ARHGAP32: variants seen among roughly 807,000 people sequenced by gnomAD.
ARHGAP32 encodes the protein Rho GTPase activating protein 32.
A neutral mutation model predicts 186.5 loss-of-function variants in ARHGAP32; 51 were observed. The observed-to-expected ratio is 0.27, with a 90% CI of 0.22 to 0.35. ARHGAP32 has a LOEUF of 0.35. Among genes scored for constraint, ARHGAP32 ranks in the 10% least tolerant of loss-of-function variants. The probability of loss-of-function intolerance (pLI) is 1.00; values close to 1 mark genes in which losing one functional copy is unlikely to be tolerated. For synonymous variants in ARHGAP32, 950 were observed against 964.3 expected (o/e 0.99, Z 0.27); for missense variants, 2,186 against 2,623.5 (o/e 0.83, Z 3.64).
intron 1 of ARHGAP32, among the ~76,000 whole-genome samples, chr11:129,174,691 T>A (rs1943867137): frequency 6.6e-6 from 1 of 152,080 alleles, no homozygotes; most frequent in Non-Finnish European, 1.5e-5. Context: ...GTCTGACACC[T>A]CACATGGCCG....
At chr11:129,032,184 T>C (rs1939142400) in intron 11 of ARHGAP32, among the ~76,000 whole-genome samples, 2 of 152,222 alleles carry the variant, frequency 1.3e-5, no homozygotes, top group Non-Finnish European at 1.5e-5. Flanking sequence ...CACCCATGGA[T>C]GGCAACGGTA....
chr11:128,994,434 C>T (rs1030023523), intron 12 of ARHGAP32, among the ~76,000 whole-genome samples: 2 of 152,058 alleles, frequency 1.3e-5, no homozygotes, highest in Non-Finnish European at 2.9e-5. Context: ...GGATTACAGG[C>T]ATGAGCCACC....
chr11:129,251,993 T>C (rs748649447), intron 1 of ARHGAP32, among the ~76,000 whole-genome samples: 17 of 151,744 alleles, frequency 1.1e-4, no homozygotes, highest in Non-Finnish European at 2.4e-4. Context: ...TGCTTCAGCC[T>C]TGTATTGTCA....
At chr11:129,157,355 C>T (rs937338668) in intron 2 of ARHGAP32, among the ~76,000 whole-genome samples, 4 of 151,970 alleles carry the variant, frequency 2.6e-5, no homozygotes, top group Non-Finnish European at 2.9e-5. Context: ...GAATTGCTAA[C>T]TAGAATAACC....
At chr11:129,204,831 T>C (rs1211940507) in intron 1 of ARHGAP32, among the ~76,000 whole-genome samples, 1 of 152,180 alleles carries the variant, frequency 6.6e-6, no homozygotes, top group Non-Finnish European at 1.5e-5. Context: ...AAACTTTAAT[T>C]TGGGGTATCT....
intron 11 of ARHGAP32, among the ~76,000 whole-genome samples, chr11:129,012,281 A>G (rs1178459632): frequency 6.6e-6 from 1 of 152,206 alleles, no homozygotes; most frequent in African/African-American, 2.4e-5. Flanking sequence ...TGTGAGAGAA[A>G]ATGAGATACA....
intron 2 of ARHGAP32, among the ~76,000 whole-genome samples, chr11:129,149,270 C>T (rs3911250): frequency 6.6e-6 from 1 of 152,056 alleles, no homozygotes; most frequent in Admixed American, 6.5e-5. Flanking sequence ...CCCACAACAT[C>T]CTGGCTAACC....
At chr11:128,982,118 C>G (rs1397519798) in intron 15 of ARHGAP32, among the ~76,000 whole-genome samples, 182 bp from the exon 16 acceptor site, 2 of 152,160 alleles carry the variant, frequency 1.3e-5, no homozygotes, top group Admixed American at 1.3e-4. Flanking sequence ...GTGAATCTTC[C>G]ACCAAAGCTA....
intron 19 of ARHGAP32, 48 bp from the exon 20 acceptor site, chr11:128,976,682 A>C: frequency 6.8e-7 from 1 of 1,472,402 alleles, no homozygotes; most frequent in Non-Finnish European, 9.5e-7. Context: ...TTTGTTACAT[A>C]TGTGGTTAAT....
At chr11:129,135,929 C>T (rs1274670048) in intron 2 of ARHGAP32, among the ~76,000 whole-genome samples, 5 of 152,068 alleles carry the variant, frequency 3.3e-5, no homozygotes, top group African/African-American at 7.2e-5. Context: ...AGGACACACA[C>T]GGAAAAAACA....
intron 11 of ARHGAP32, among the ~76,000 whole-genome samples, chr11:129,006,596 T>C (rs771935932): frequency 5.3e-5 from 8 of 152,190 alleles, no homozygotes; most frequent in African/African-American, 9.7e-5. Context: ...TCTCTCTCTG[T>C]CTCTGTGATA....
chr11:129,136,652 T>C (rs960425260), intron 2 of ARHGAP32, among the ~76,000 whole-genome samples: 1 of 152,106 alleles, frequency 6.6e-6, no homozygotes, highest in South Asian at 2.1e-4. Flanking sequence ...ACATACATCA[T>C]AAGTGAATTA....
At chr11:129,052,908 G>A (rs1164725694) in intron 10 of ARHGAP32, among the ~76,000 whole-genome samples, 2 of 151,894 alleles carry the variant, frequency 1.3e-5, no homozygotes, top group African/African-American at 2.4e-5. Flanking sequence ...TGACAAAAAA[G>A]GATTTTAGAA....
intron 22 of ARHGAP32, chr11:128,971,427 TAATTTTAATATACAAACC>T: frequency 2.5e-6 from 1 of 401,678 alleles, no homozygotes; most frequent in East Asian, 4.1e-5. Flanking sequence ...GCCTATGGCA[TAATTTTAATATACAAACC>T]AAAAGAGAGG....
At chr11:129,151,920 TA>T (rs921200350) in intron 2 of ARHGAP32, among the ~76,000 whole-genome samples, 3 of 151,844 alleles carry the variant, frequency 2.0e-5, no homozygotes, top group Admixed American at 6.6e-5. Context: ...ACACAAAAGA[TA>T]AATGAAGCCA....
Position 129,011,131 on chromosome 11 carries a change from C to T in ARHGAP32, c.1046-12663G>A, listed in dbSNP as rs181307656. ...GACAATGAATGATTAAATAGTAATACGGATATAGCCAGCATTTACTTTACA... is the reference window on the plus strand; with the variant it reads ...GACAATGAATGATTAAATAGTAATATGGATATAGCCAGCATTTACTTTACA... On this transcript the variant is annotated intron_variant, in intron 11 of 22. Transcript: ENST00000682385. Among the ~76,000 whole-genome samples, 889 of 152,222 alleles carry T rather than the reference C, an allele frequency of 5.8e-3. 14 individuals are homozygous for T. Among genetic ancestry groups the T allele is most frequent in the African/African-American group, 0.02 (841 of 41,546 alleles).
chr11:129,040,145 C>T (rs575934444), intron 11 of ARHGAP32, among the ~76,000 whole-genome samples: 1 of 151,686 alleles, frequency 6.6e-6, no homozygotes, highest in Non-Finnish European at 1.5e-5. Flanking sequence ...TTAACTCTTA[C>T]ATACAGGTCC....
At chr11:129,133,117 C>T (rs1942852704) in intron 2 of ARHGAP32, among the ~76,000 whole-genome samples, 1 of 151,850 alleles carries the variant, frequency 6.6e-6, no homozygotes, top group African/African-American at 2.4e-5. Flanking sequence ...TGTTTAGAGC[C>T]GGTGGAAGAG....
At chr11:129,211,724 T>G (rs1591699400) in intron 1 of ARHGAP32, among the ~76,000 whole-genome samples, 1 of 152,156 alleles carries the variant, frequency 6.6e-6, no homozygotes, top group Non-Finnish European at 1.5e-5. Context: ...TTTGAAAACT[T>G]CCACAGTTGA....
Sources: gnomAD v4.1 joint callset for allele counts (sites outside exome capture counted in the v4.1 genomes callset) on GRCh38, gnomAD v4.1.1 for gene constraint, MANE v1.5 for transcripts, NCBI Gene and HGNC (gene_info 2026-07-23, HGNC 2026-07-21) for gene names.